Variants in WDR43 observed in about 807,000 individuals in gnomAD.
The protein encoded by WDR43 is WD repeat-containing protein 43.
WDR43 carries 13 observed loss-of-function variants against 91.4 expected under a neutral mutation model. The observed-to-expected ratio is 0.14, with a 90% CI of 0.09 to 0.23. The LOEUF (loss-of-function observed/expected upper bound fraction) is 0.23, where lower values mean the gene tolerates loss of function less well. Ranked by LOEUF, WDR43 falls within the 10% of genes least tolerant of loss-of-function variation. The pLI is 1.00. For synonymous variants in WDR43, 331 were observed against 287.9 expected, an observed-to-expected ratio of 1.15 and a Z score of -1.51; for missense variants, 780 against 809.4, an observed-to-expected ratio of 0.96 and a Z score of 0.44.
At chr2:28,901,025 T>G (rs571753809) in intron 1 of WDR43, among the ~76,000 whole-genome samples, 1 of 152,258 alleles carries the variant, frequency 6.6e-6, no homozygotes, top group South Asian at 2.1e-4. Flanking sequence ...TAAGACAGAT[T>G]TTTAGGTGTC....
At chr2:28,936,351 T>C (rs1217235309) in intron 12 of WDR43, among the ~76,000 whole-genome samples, 1 of 152,190 alleles carries the variant, frequency 6.6e-6, no homozygotes, top group Non-Finnish European at 1.5e-5. Flanking sequence ...TTTGCAAGTA[T>C]AGTTACGGTA....
chr2:28,921,479 G>C (rs1229753386), intron 6 of WDR43, among the ~76,000 whole-genome samples: 2 of 152,134 alleles, frequency 1.3e-5, no homozygotes, highest in Non-Finnish European at 2.9e-5. Context: ...AGGAAGCCAA[G>C]TTCTAATTCT....
chr2:28,903,708 C>G (rs1261644471), intron 2 of WDR43, among the ~76,000 whole-genome samples: 1 of 152,136 alleles, frequency 6.6e-6, no homozygotes, highest in African/African-American at 2.4e-5. Context: ...TAGGTAGGAG[C>G]CTATCCTTTA....
chr2:28,941,536 T>G lies in WDR43; in HGVS notation c.1696T>G (p.Ser566Ala), dbSNP rs1350319584. 2 of 1,613,362 alleles carry G rather than the reference T, an allele frequency of 1.2e-6. No homozygotes were observed. Among genetic ancestry groups the G allele is most frequent in the Non-Finnish European group, 1.7e-6 (2 of 1,179,616 alleles). Reference sequence around the variant, plus strand: ...CAGAGTCAAAACTTTTCAGAAACTTTCACACCTTCATGGAAAGCTTATTCT... The same window carrying G: ...CAGAGTCAAAACTTTTCAGAAACTTGCACACCTTCATGGAAAGCTTATTCT... The part of the protein sequence containing the change: ...ESRVKTFQKL[S>A]HLHGKLILLI... The change falls in exon 15 of 18, where the codon TCA (serine) becomes GCA (alanine). Residue 566 changes from serine to alanine, a missense_variant. Ser to Ala is a moderately conservative substitution (Grantham distance 99). Coordinates refer to ENST00000407426, the MANE Select transcript of WDR43 (RefSeq NM_015131.3).
intron 2 of WDR43, among the ~76,000 whole-genome samples, chr2:28,905,450 A>G (rs1487095532): frequency 6.6e-6 from 1 of 152,188 alleles, no homozygotes; most frequent in Non-Finnish European, 1.5e-5. Flanking sequence ...ACAAGGAAGC[A>G]TTTAGTGTTT....
At chr2:28,939,094 T>G (rs5830097) in intron 14 of WDR43, among the ~76,000 whole-genome samples, 87 of 5,916 alleles carry the variant, frequency 0.015, 5 homozygotes, top group African/African-American at 0.034. Flanking sequence ...GTGAGAGGGG[T>G]TTTTGGGAGG....
Position 28,946,869 on chromosome 2 carries a change from C to T in WDR43, c.*90C>T, listed in dbSNP as rs375689426. 1.3e-4 allele frequency: 184 copies of T among 1,408,702 alleles called. No individual in the cohort carries two copies. The highest frequency in any genetic ancestry group is 1.7e-4 in the Admixed American group (6 of 35,570). 87.3% of individuals were successfully genotyped at this position (1,408,702 alleles called of 1,614,324 possible). A position where few individuals can be genotyped will look rare whatever the true frequency, so the allele number is the denominator to read the frequency against. ...GCCTCTGTGCCAGGATGCCAAGGAC[C>T]GCTGCACATTTCCAAATTCACAGCA... On this transcript the variant is annotated 3_prime_UTR_variant, in exon 18 of 18. Coordinates refer to ENST00000407426, the MANE Select transcript of WDR43 (RefSeq NM_015131.3).
chr2:28,908,753 G>T (rs1008554940), intron 3 of WDR43, among the ~76,000 whole-genome samples: 6 of 152,130 alleles, frequency 3.9e-5, no homozygotes, highest in African/African-American at 1.4e-4. Flanking sequence ...TTTGTTTTCT[G>T]TTCCAGACGC....
At chr2:28,939,802 G>C (rs766905795) in intron 14 of WDR43, among the ~76,000 whole-genome samples, 122 of 152,162 alleles carry the variant, frequency 8.0e-4, no homozygotes, top group Non-Finnish European at 3.2e-4. Flanking sequence ...TGCAGGTAAA[G>C]GCTAATCAGA....
chr2:28,895,975 A>C (rs1346041123), intron 1 of WDR43: 2 of 152,178 alleles, frequency 1.3e-5, no homozygotes, highest in African/African-American at 4.8e-5. Flanking sequence ...AGGGATACAT[A>C]TAAGTTGCTA....
rs866770345 is a variant in WDR43, at chr2:28,907,676, C to T, written c.485+1095C>T. Among the ~76,000 whole-genome samples the T allele has an allele frequency of 4.6e-5, 7 of 151,426 alleles. No individual in the cohort carries two copies. In the South Asian group the frequency reaches 8.3e-4, roughly 18 times the overall value. Reference sequence around the variant, plus strand: ...ATCCCAGCACTTTGGGAGGCCAAGGCGGGAGGATCATGAGGTCAGGAGACT... The same window carrying T: ...ATCCCAGCACTTTGGGAGGCCAAGGTGGGAGGATCATGAGGTCAGGAGACT... On this transcript the variant is annotated intron_variant, in intron 3 of 17. Transcript: ENST00000407426.
chr2:28,937,050 G>T, intron 13 of WDR43, 97 bp downstream of exon 13: 1 of 1,209,342 alleles, frequency 8.3e-7, no homozygotes, highest in Non-Finnish European at 1.2e-6. Context: ...CTCTTTCAGT[G>T]TCAAATATTA....
intron 2 of WDR43, among the ~76,000 whole-genome samples, chr2:28,903,153 T>G (rs1164532336): frequency 2.0e-5 from 3 of 152,232 alleles, no homozygotes; most frequent in Non-Finnish European, 4.4e-5. Context: ...CTTATATTTG[T>G]CAATAACTGG....
At chr2:28,895,392 T>G (rs4407214) in intron 1 of WDR43, 39,885 of 154,290 alleles carry the variant, frequency 0.26, 6,387 homozygotes, top group East Asian at 0.77. Context: ...ACCTTCCCCC[T>G]CCTGCCCCCC....
chr2:28,894,746 G>A lies in WDR43; in HGVS notation c.48G>A (p.Gly16=). The change falls in exon 1 of 18, where the codon GGG becomes GGA. Residue 16 remains glycine, a synonymous_variant. Transcript: ENST00000407426. ...GGSCDPLAPA[G]VPCAFSPHSQ... ...GCTGCGACCCCCTGGCCCCTGCTGG[G>A]GTCCCTTGCGCCTTCTCCCCGCACA... The A allele has an allele frequency of 6.3e-7, 1 of 1,594,338 alleles. No homozygotes were observed. Among genetic ancestry groups the A allele is most frequent in the South Asian group, 1.1e-5 (1 of 88,524 alleles).
At chr2:28,918,040 T>C in intron 6 of WDR43, 45 bp downstream of exon 6, 1 of 1,486,738 alleles carries the variant, frequency 6.7e-7, no homozygotes, top group Non-Finnish European at 9.1e-7. Flanking sequence ...GTTTCACAGA[T>C]GTTATTTTTA....
At chr2:28,918,361 T>C (rs1670957547) in intron 6 of WDR43, among the ~76,000 whole-genome samples, 1 of 151,998 alleles carries the variant, frequency 6.6e-6, no homozygotes, top group South Asian at 2.1e-4. Flanking sequence ...TTTTTTTATC[T>C]CTTTTTTTCT....
intron 11 of WDR43, among the ~76,000 whole-genome samples, chr2:28,933,614 AAT>A (rs1192340292): frequency 1.3e-5 from 2 of 152,246 alleles, no homozygotes; most frequent in Non-Finnish European, 2.9e-5. Flanking sequence ...CTGGGAACAA[AAT>A]ATTAGCAACT....
At chr2:28,905,356 C>A (rs1670659426) in intron 2 of WDR43, among the ~76,000 whole-genome samples, 1 of 152,132 alleles carries the variant, frequency 6.6e-6, no homozygotes. Flanking sequence ...TTCTCAGTTT[C>A]TATTCCTACG....
Sources: allele counts gnomAD v4.1 joint callset (sites outside exome capture counted in the v4.1 genomes callset), GRCh38; gene constraint gnomAD v4.1.1; transcripts MANE v1.5; gene names NCBI Gene and HGNC (gene_info 2026-07-23, HGNC 2026-07-21).